Variants in PCDH9 observed in about 807,000 individuals in gnomAD.
PCDH9 encodes protocadherin 9, also known as protocadherin-9.
PCDH9 carries 24 observed loss-of-function variants against 70.6 expected under a neutral mutation model. The ratio of observed to expected loss-of-function variants is 0.34; its 90% CI spans 0.25 to 0.48. The LOEUF is 0.48. Ranked by LOEUF, PCDH9 falls within the 20% of genes least tolerant of loss-of-function variation. The probability of loss-of-function intolerance (pLI) is 0.99; values close to 1 mark genes in which losing one functional copy is unlikely to be tolerated. For synonymous variants in PCDH9, 562 were observed against 558.5 expected, an observed-to-expected ratio of 1.01 and a Z score of -0.09; for missense variants, 1,281 against 1,503.6, an observed-to-expected ratio of 0.85 and a Z score of 2.45.
At chr13:66,922,468 C>T (rs1459225771) in intron 2 of PCDH9, among the ~76,000 whole-genome samples, 2 of 151,324 alleles carry the variant, frequency 1.3e-5, no homozygotes, top group Admixed American at 1.3e-4. Flanking sequence ...TGCTAATAGA[C>T]ATTTTGTATC....
At chr13:66,868,516 C>CA (rs139476106) in intron 3 of PCDH9, among the ~76,000 whole-genome samples, 4,983 of 151,682 alleles carry the variant, frequency 0.033, 269 homozygotes, top group African/African-American at 0.11. Context: ...CAACCATGTG[C>CA]AAAAAAATAT....
intron 3 of PCDH9, among the ~76,000 whole-genome samples, chr13:66,734,890 G>A (rs1229795645): frequency 6.6e-6 from 1 of 152,138 alleles, no homozygotes; most frequent in Non-Finnish European, 1.5e-5. Context: ...TGAATCCCAT[G>A]CTCAAAACTA....
intron 4 of PCDH9, among the ~76,000 whole-genome samples, chr13:66,435,310 C>A (rs1338126180): frequency 6.6e-6 from 1 of 152,028 alleles, no homozygotes. Flanking sequence ...ATATATGACT[C>A]CCTTATCATT....
At chr13:66,384,950 T>TGA (rs1168917294) in intron 4 of PCDH9, among the ~76,000 whole-genome samples, 1 of 152,218 alleles carries the variant, frequency 6.6e-6, no homozygotes, top group African/African-American at 2.4e-5. Context: ...ATTGCAGGTG[T>TGA]GAGCCATGGC....
At chr13:66,541,907 T>C (rs1960972746) in intron 4 of PCDH9, among the ~76,000 whole-genome samples, 1 of 152,168 alleles carries the variant, frequency 6.6e-6, no homozygotes, top group African/African-American at 2.4e-5. Flanking sequence ...TGTTTATCTG[T>C]AAATTGATTA....
chr13:66,488,198 A>G (rs1351938464), intron 4 of PCDH9, among the ~76,000 whole-genome samples: 3 of 152,210 alleles, frequency 2.0e-5, no homozygotes, highest in Non-Finnish European at 4.4e-5. Context: ...CCGACGCTGA[A>G]ATCAAGCCAA....
At chr13:66,385,719 C>T (rs1201359183) in intron 4 of PCDH9, among the ~76,000 whole-genome samples, 1 of 152,022 alleles carries the variant, frequency 6.6e-6, no homozygotes, top group Non-Finnish European at 1.5e-5. Flanking sequence ...AAGATTCTAA[C>T]AGTAAGTTTA....
At chr13:66,494,886 G>A (rs1407384489) in intron 4 of PCDH9, among the ~76,000 whole-genome samples, 2 of 151,896 alleles carry the variant, frequency 1.3e-5, no homozygotes, top group African/African-American at 2.4e-5. Context: ...AAAGCCAAAT[G>A]TACAAATATT....
intron 4 of PCDH9, among the ~76,000 whole-genome samples, chr13:66,428,514 A>G (rs1478190520): frequency 6.6e-6 from 1 of 151,772 alleles, no homozygotes; most frequent in Non-Finnish European, 1.5e-5. Flanking sequence ...TTTATTGACA[A>G]CTTTTAGTCC....
chr13:66,380,637 G>A (rs1314123411), intron 4 of PCDH9, among the ~76,000 whole-genome samples: 4 of 149,332 alleles, frequency 2.7e-5, no homozygotes, highest in African/African-American at 1.0e-4. Flanking sequence ...TCCGCCTCCC[G>A]GGTTCACGCC....
chr13:66,874,935 G>GTA (rs1281419326), intron 3 of PCDH9, among the ~76,000 whole-genome samples: 2 of 139,722 alleles, frequency 1.4e-5, no homozygotes, highest in Admixed American at 1.5e-4. Flanking sequence ...GTGTGTGTGT[G>GTA]TGTGTGTGAG....
At chr13:66,902,153 TTC>T (rs2082286215) in intron 3 of PCDH9, among the ~76,000 whole-genome samples, 1 of 151,646 alleles carries the variant, frequency 6.6e-6, no homozygotes, top group African/African-American at 2.4e-5. Flanking sequence ...ACTATGGTTC[TTC>T]TCTCAATGTT....
intron 2 of PCDH9, among the ~76,000 whole-genome samples, chr13:67,141,597 C>G (rs150797054): frequency 6.6e-6 from 1 of 151,896 alleles, no homozygotes; most frequent in African/African-American, 2.4e-5. Flanking sequence ...CCTGCCACCA[C>G]GCCCAGCTAA....
intron 3 of PCDH9, among the ~76,000 whole-genome samples, chr13:66,731,754 T>C (rs561777741): frequency 1.4e-3 from 216 of 152,250 alleles, no homozygotes; most frequent in Admixed American, 3.8e-3. Context: ...AAACCAAGAC[T>C]GGCATCATCA....
At chr13:66,934,845 C>A (rs1189936330) in intron 2 of PCDH9, among the ~76,000 whole-genome samples, 2 of 142,888 alleles carry the variant, frequency 1.4e-5, no homozygotes, top group Non-Finnish European at 3.0e-5. Flanking sequence ...CTCAGCCTCC[C>A]GAGTAGCTGG....
chr13:66,807,016 T>C (rs1379008080), intron 3 of PCDH9, among the ~76,000 whole-genome samples: 1 of 152,154 alleles, frequency 6.6e-6, no homozygotes, highest in Non-Finnish European at 1.5e-5. Flanking sequence ...TTACTGCTAC[T>C]TTTTCCTAAA....
chr13:66,575,201 ATTGTTGTTG>A (rs889721476), intron 4 of PCDH9, among the ~76,000 whole-genome samples: 2 of 151,796 alleles, frequency 1.3e-5, no homozygotes, highest in Non-Finnish European at 2.9e-5. Context: ...ATATATATTT[ATTGTTGTTG>A]TTGTTGTTGT....
chr13:66,551,511 T>C (rs1961488978), intron 4 of PCDH9, among the ~76,000 whole-genome samples: 1 of 152,154 alleles, frequency 6.6e-6, no homozygotes, highest in South Asian at 2.1e-4. Flanking sequence ...CAAATTTAAG[T>C]CACAGTCATG....
intron 2 of PCDH9, among the ~76,000 whole-genome samples, chr13:67,198,127 AT>A (rs986531974): frequency 2.6e-5 from 4 of 151,644 alleles, no homozygotes; most frequent in African/African-American, 7.2e-5. Flanking sequence ...TCATGTACAG[AT>A]TTTTTTAAAC....
Sources: gnomAD v4.1 joint callset for allele counts (sites outside exome capture counted in the v4.1 genomes callset) on GRCh38, gnomAD v4.1.1 for gene constraint, MANE v1.5 for transcripts, NCBI Gene and HGNC (gene_info 2026-07-23, HGNC 2026-07-21) for gene names.